The following JARID2 variants were observed in gnomAD, a reference collection of about 807,000 sequenced individuals.
JARID2 encodes jumonji and AT-rich interaction domain containing 2, also known as protein Jumonji.
In JARID2, 21 loss-of-function variants were observed where a neutral mutation model predicts 125.6. That is an observed-to-expected ratio of 0.17 (90% CI 0.12 to 0.24). The LOEUF is 0.24. Ranked by LOEUF, JARID2 falls within the 10% of genes least tolerant of loss-of-function variation. The pLI is 1.00. For synonymous variants in JARID2, 736 were observed against 661.6 expected (o/e 1.11, Z -1.73); for missense variants, 1,303 against 1,639.6 (o/e 0.79, Z 3.55).
In JARID2 at chr6:15,493,514, T is replaced by A. The variant is rs144515209; in HGVS notation, c.907-2618T>A. Among the ~76,000 whole-genome samples, 12 of 152,290 alleles carry A rather than the reference T, an allele frequency of 7.9e-5. No individual in the cohort carries two copies. In the East Asian group the frequency reaches 2.3e-3, roughly 29 times the overall value. The stretch of plus-strand genomic sequence containing the variant: ...GTGTCCGTCTCCTTAAGGAGACTCT[T>A]GTGCTGGGAGTAGGGCTGAAACAGA... On this transcript the variant is annotated intron_variant, in intron 6 of 17. Coordinates refer to ENST00000341776, the MANE Select transcript of JARID2 (RefSeq NM_004973.4).
At position 15,487,535 on chromosome 6, in the gene JARID2, G is replaced by A. The variant is rs1360210107; in HGVS notation, c.899G>A (p.Arg300Gln). The change falls in exon 6 of 18, where the codon CGG becomes CAG. Residue 300 changes from arginine to glutamine, a missense_variant. By Grantham distance (43) the Arg-to-Gln change is conservative (BLOSUM62 1). Transcript: ENST00000341776. ...CTGCATCGGTCGGCTCAGGACTTACGGAAACAGGTAAAGTCCAGCAGGGGT... is the reference window on the plus strand; with the variant it reads ...CTGCATCGGTCGGCTCAGGACTTACAGAAACAGGTAAAGTCCAGCAGGGGT... The part of the protein sequence containing the change: ...PPLHRSAQDL[R>Q]KQVSKVNGVT... 9 of 1,604,176 alleles carry A rather than the reference G, an allele frequency of 5.6e-6. No homozygotes were observed. Among genetic ancestry groups the A allele is most frequent in the Middle Eastern group, 1.7e-4 (1 of 6,044 alleles).
Position 15,496,611 on chromosome 6 carries a change from G to A in JARID2, c.1386G>A (p.Gly462=). The A allele has an allele frequency of 2.5e-6, 4 of 1,606,516 alleles. No homozygotes were observed. In the East Asian group the frequency reaches 6.7e-5, roughly 27 times the overall value. ...KPQSPPKKMK[G]AAGPAEGPGK... ...AGTCGCCCCCCAAGAAGATGAAAGG[G>A]GCGGCTGGCCCCGCCGAAGGCCCTG... Residue 462 remains glycine, a synonymous_variant, in exon 7 of 18, where the codon GGG becomes GGA. Transcript: ENST00000341776.
chr6:15,419,439 C>T (rs1237770059), intron 3 of JARID2, among the ~76,000 whole-genome samples: 4 of 152,098 alleles, frequency 2.6e-5, no homozygotes, highest in East Asian at 1.9e-4. Flanking sequence ...AAGTTATCTA[C>T]GTAGTTGCCA....
intron 1 of JARID2, among the ~76,000 whole-genome samples, chr6:15,275,990 A>G (rs1038014246): frequency 1.3e-5 from 2 of 152,192 alleles, no homozygotes; most frequent in Admixed American, 1.3e-4. Context: ...GTATTGATGT[A>G]GAATGTTCAC....
chr6:15,283,029 A>G (rs1214976262), intron 1 of JARID2, among the ~76,000 whole-genome samples: 4 of 151,072 alleles, frequency 2.6e-5, no homozygotes, highest in Non-Finnish European at 5.9e-5. Flanking sequence ...CCCAGGCTGG[A>G]GTGTAGTGGC....
chr6:15,339,707 G>T (rs1763003925), intron 1 of JARID2, among the ~76,000 whole-genome samples: 1 of 151,840 alleles, frequency 6.6e-6, no homozygotes, highest in South Asian at 2.1e-4. Flanking sequence ...AGCTAATTTT[G>T]TATTTTTAGT....
At chr6:15,403,591 A>G (rs1765526395) in intron 2 of JARID2, among the ~76,000 whole-genome samples, 1 of 152,200 alleles carries the variant, frequency 6.6e-6, no homozygotes. Flanking sequence ...TAGGAAAAAA[A>G]GGATAGAGTC....
chr6:15,394,339 C>T (rs1277924810), intron 2 of JARID2, among the ~76,000 whole-genome samples: 1 of 152,168 alleles, frequency 6.6e-6, no homozygotes, highest in African/African-American at 2.4e-5. Flanking sequence ...AAGGCGAATG[C>T]AGTGGCTCAT....
intron 1 of JARID2, among the ~76,000 whole-genome samples, chr6:15,250,519 G>C (rs1254452500): frequency 6.6e-6 from 1 of 152,160 alleles, no homozygotes; most frequent in African/African-American, 2.4e-5. Context: ...GGCAGTGGCA[G>C]TTTAGCTCCT....
intron 1 of JARID2, among the ~76,000 whole-genome samples, chr6:15,268,775 C>T (rs998581232): frequency 6.6e-6 from 1 of 152,188 alleles, no homozygotes; most frequent in Non-Finnish European, 1.5e-5. Flanking sequence ...GCAGAATGCT[C>T]ACACGCAGCT....
chr6:15,469,105 T>C (rs1768891684), intron 5 of JARID2, among the ~76,000 whole-genome samples: 1 of 151,982 alleles, frequency 6.6e-6, no homozygotes. Flanking sequence ...ATTCCTCCTA[T>C]GGAATTGCAC....
intron 1 of JARID2, among the ~76,000 whole-genome samples, chr6:15,292,172 T>G (rs1423667368): frequency 6.6e-6 from 1 of 151,670 alleles, no homozygotes; most frequent in African/African-American, 2.4e-5. Context: ...GCCCGCCACC[T>G]CGCCCGGCTA....
chr6:15,286,642 C>CTT (rs1761012420), intron 1 of JARID2, among the ~76,000 whole-genome samples: 1 of 151,662 alleles, frequency 6.6e-6, no homozygotes, highest in Admixed American at 6.6e-5. Flanking sequence ...GGGCGGATCA[C>CTT]GAGGTCAGGA....
In JARID2 at chr6:15,456,590, A is replaced by AT. The variant is rs111421989; in HGVS notation, c.493+4424dup. Among the ~76,000 whole-genome samples, 1,324 of 150,578 alleles carry AT rather than the reference A, an allele frequency of 8.8e-3. 21 individuals are homozygous for AT. Among genetic ancestry groups the AT allele is most frequent in the African/African-American group, 0.03 (1,245 of 41,064 alleles). ...TGAGTCATCCTAGCTTTAAAATACC[A>AT]TTTTTTTTTCCCGGGAGGATAAGTG... On this transcript the variant is annotated intron_variant, in intron 4 of 17. Coordinates refer to ENST00000341776, the MANE Select transcript of JARID2 (RefSeq NM_004973.4).
intron 1 of JARID2, among the ~76,000 whole-genome samples, chr6:15,314,691 C>T (rs1349142492): frequency 2.0e-5 from 3 of 152,164 alleles, no homozygotes; most frequent in African/African-American, 7.2e-5. Flanking sequence ...GGAACAGTGT[C>T]ACAGACAATC....
At chr6:15,263,211 G>C (rs1244796283) in intron 1 of JARID2, among the ~76,000 whole-genome samples, 1 of 151,846 alleles carries the variant, frequency 6.6e-6, no homozygotes, top group East Asian at 1.9e-4. Context: ...TTTGCAAACC[G>C]TAAACACTGG....
chr6:15,296,979 A>T (rs1416273266), intron 1 of JARID2, among the ~76,000 whole-genome samples: 1 of 152,148 alleles, frequency 6.6e-6, no homozygotes, highest in African/African-American at 2.4e-5. Flanking sequence ...CTCCATCCTC[A>T]GAGTGTCCCC....
intron 1 of JARID2, among the ~76,000 whole-genome samples, chr6:15,324,140 CT>C (rs1360300769): frequency 1.3e-5 from 2 of 150,218 alleles, no homozygotes; most frequent in Non-Finnish European, 3.0e-5. Flanking sequence ...GATTGGGCCA[CT>C]GCACTCCAGC....
chr6:15,484,581 T>A (rs529291345), intron 5 of JARID2, among the ~76,000 whole-genome samples: 12 of 152,316 alleles, frequency 7.9e-5, no homozygotes, highest in Non-Finnish European at 1.5e-5. Context: ...CCCCAGACAT[T>A]GTGGTAGATG....
Sources: gnomAD v4.1 joint callset for allele counts (sites outside exome capture counted in the v4.1 genomes callset) on GRCh38, gnomAD v4.1.1 for gene constraint, MANE v1.5 for transcripts, NCBI Gene and HGNC (gene_info 2026-07-23, HGNC 2026-07-21) for gene names.